PRR5: variants seen among roughly 807,000 people sequenced by gnomAD.
PRR5 encodes proline rich 5.
PRR5 carries 25 observed loss-of-function variants against 30.6 expected under a neutral mutation model. That is an observed-to-expected ratio of 0.82 (90% CI 0.60 to 1.14). The LOEUF (loss-of-function observed/expected upper bound fraction) is 1.14, where lower values mean the gene tolerates loss of function less well. PRR5 is among the 50% of genes most tolerant of loss of function. PRR5 has a pLI of 0.00. For synonymous variants in PRR5, 286 were observed against 247.1 expected, an observed-to-expected ratio of 1.16 and a Z score of -1.48; for missense variants, 600 against 547.1, an observed-to-expected ratio of 1.10 and a Z score of -0.96.
chr22:44,730,742 G>A (rs1225161019), intron 4 of PRR5: 1 of 903,272 alleles, frequency 1.1e-6, no homozygotes. Flanking sequence ...CTTCGACGTG[G>A]TGCTGCTATT....
chr22:44,737,070 G>A lies in PRR5; in HGVS notation c.990G>A (p.Glu330=). 1 of 1,610,538 alleles carries A rather than the reference G, an allele frequency of 6.2e-7. No homozygotes were observed. The highest frequency in any genetic ancestry group is 8.5e-7 in the Non-Finnish European group (1 of 1,179,438). The part of the protein sequence containing the change: ...SRLYPTTQPP[E]QGLDPTRSSL... ...TGTACCCCACGACCCAGCCCCCTGA[G>A]CAGGGCTTGGATCCCACCCGCAGCT... Residue 330 remains glutamate, a synonymous_variant, in exon 8 of 8, where the codon GAG becomes GAA. Coordinates refer to ENST00000336985, the MANE Select transcript of PRR5 (RefSeq NM_181333.4).
intron 3 of PRR5, 130 bp downstream of exon 3, chr22:44,725,422 C>A: frequency 7.8e-7 from 1 of 1,281,462 alleles, no homozygotes; most frequent in Non-Finnish European, 1.1e-6. Flanking sequence ...CAAGGACCTG[C>A]CTCGTTCCTT....
In PRR5 at chr22:44,737,119, A is replaced by G. The variant is rs1415106681; in HGVS notation, c.1039A>G (p.Asn347Asp). 2 of 1,612,474 alleles carry G rather than the reference A, an allele frequency of 1.2e-6. No homozygotes were observed. The highest frequency in any genetic ancestry group is 1.7e-6 in the Non-Finnish European group (2 of 1,179,978). ...CTCCCTGCCCCGCTCCAGCCCGGAGAACCTGGTGGACCAGATCCTGGAGTC... is the reference window on the plus strand; with the variant it reads ...CTCCCTGCCCCGCTCCAGCCCGGAGGACCTGGTGGACCAGATCCTGGAGTC... The part of the protein sequence containing the change: ...RSSLPRSSPE[N>D]LVDQILESVD... Residue 347 changes from asparagine to aspartate, a missense_variant, in exon 8 of 8, where the codon AAC (asparagine) becomes GAC (aspartate). Coordinates refer to ENST00000336985, the MANE Select transcript of PRR5 (RefSeq NM_181333.4).
At chr22:44,728,047 G>A (rs1329917357) in intron 4 of PRR5, among the ~76,000 whole-genome samples, 1 of 152,232 alleles carries the variant, frequency 6.6e-6, no homozygotes, top group Admixed American at 6.5e-5. Flanking sequence ...AGGGGAGCCG[G>A]GGCTCTCGGA....
At position 44,718,192 on chromosome 22, in the gene PRR5, C is replaced by CTTTTTTTTTTTTTT. The variant is rs34868054; in HGVS notation, c.215+3528_215+3541dup. On this transcript the variant is annotated intron_variant, in intron 2 of 7. Coordinates refer to ENST00000336985, the MANE Select transcript of PRR5 (RefSeq NM_181333.4). The stretch of plus-strand genomic sequence containing the variant: ...TGTGTGGATGCACGTTTTCATCTCT[C>CTTTTTTTTTTTTTT]TTTTTTTTTTTTTTTTTTTTGAGAC... Among the ~76,000 whole-genome samples, 20 of 94,576 alleles carry CTTTTTTTTTTTTTT rather than the reference C, an allele frequency of 2.1e-4. 3 individuals are homozygous for CTTTTTTTTTTTTTT. The highest frequency in any genetic ancestry group is 1.4e-3 in the South Asian group (3 of 2,216). 62.0% of individuals were successfully genotyped at this position (94,576 alleles called of 152,430 possible). A position where few individuals can be genotyped will look rare whatever the true frequency, so the allele number is the denominator to read the frequency against.
At chr22:44,730,235 C>T (rs1921696272) in intron 4 of PRR5, 2 of 985,140 alleles carry the variant, frequency 2.0e-6, no homozygotes, top group Non-Finnish European at 2.4e-6. Flanking sequence ...CCATGGAAAC[C>T]TCAAAGCAGT....
chr22:44,697,702 G>C (rs182567198), upstream of PRR5, among the ~76,000 whole-genome samples: 4 of 152,208 alleles, frequency 2.6e-5, no homozygotes, highest in South Asian at 2.1e-4. Context: ...CGAGATGGAG[G>C]CTGTCTCTCT....
chr22:44,718,296 G>A (rs544754357), intron 2 of PRR5, among the ~76,000 whole-genome samples: 34 of 147,118 alleles, frequency 2.3e-4, no homozygotes, highest in Non-Finnish European at 4.5e-4. Flanking sequence ...CCGGGTTCAA[G>A]CGATTCTTGT....
At position 44,732,396 on chromosome 22, in the gene PRR5, G is replaced by A. The variant is rs1435189133; in HGVS notation, c.555+5G>A. ...CAGATGCTGCTGGTGCTGCAGGTGG[G>A]CACAGTGGGCAGAGGGTCGGGCATG... On this transcript the variant is annotated splice_donor_5th_base_variant and intron_variant, in intron 6 of 7. Transcript: ENST00000336985. 1.2e-6 allele frequency: 2 copies of A among 1,604,430 alleles called. No individual in the cohort carries two copies. The highest frequency in any genetic ancestry group is 1.7e-6 in the Non-Finnish European group (2 of 1,176,608).
intron 2 of PRR5, among the ~76,000 whole-genome samples, chr22:44,715,154 G>A (rs1475130138): frequency 6.6e-6 from 1 of 152,168 alleles, no homozygotes; most frequent in Non-Finnish European, 1.5e-5. Context: ...GAAGCAGCAG[G>A]CTGGACACAC....
At chr22:44,714,024 C>CG (rs1487640819) in intron 1 of PRR5, among the ~76,000 whole-genome samples, 1 of 151,890 alleles carries the variant, frequency 6.6e-6, no homozygotes, top group Non-Finnish European at 1.5e-5. Context: ...AGGATGATCT[C>CG]GATCTCCTGA....
At chr22:44,720,947 A>G (rs984942593) in intron 2 of PRR5, among the ~76,000 whole-genome samples, 6 of 152,292 alleles carry the variant, frequency 3.9e-5, no homozygotes, top group East Asian at 3.9e-4. Context: ...ATTTCCAGCC[A>G]TTGTGAGCCA....
At chr22:44,730,329 A>G (rs1921717663) in intron 4 of PRR5, 9 of 985,270 alleles carry the variant, frequency 9.1e-6, no homozygotes, top group Middle Eastern at 5.2e-4. Flanking sequence ...CTCTCTCGCC[A>G]GTTGTTCGTC....
At chr22:44,720,876 C>T (rs905742522) in intron 2 of PRR5, among the ~76,000 whole-genome samples, 4 of 152,106 alleles carry the variant, frequency 2.6e-5, no homozygotes, top group South Asian at 2.1e-4. Flanking sequence ...CCAGGGGAGC[C>T]GGAGAGGTGG....
In PRR5 at chr22:44,691,246, GATTCT is replaced by G. The variant is rs1925211519; in HGVS notation, c.-10-11245_-10-11241del. On this transcript the variant is annotated intron_variant, in intron 1 of 8. Transcript: ENST00000006251. This position sits in a 1 kb window ranked among gnomAD's most constrained non-coding sequence, Gnocchi z 4.4. ...AGAGAAAACCGGGGTCTGGAATGGG[GATTCT>G]GAGGTTGGTCCTGGCCCTGCCCCTC... 6.6e-6 allele frequency among the ~76,000 whole-genome samples: 1 copy of G among 152,172 alleles called. No homozygotes were observed. Among genetic ancestry groups the G allele is most frequent in the Non-Finnish European group, 1.5e-5 (1 of 68,034 alleles).
intron 5 of PRR5, 129 bp from the exon 6 acceptor site, chr22:44,732,122 G>T: frequency 6.9e-7 from 1 of 1,445,300 alleles, no homozygotes; most frequent in Non-Finnish European, 9.4e-7. Context: ...GGGGTCATCT[G>T]AGGAGAACGG....
At chr22:44,676,436 G>GAAGAA (rs140568938), upstream of PRR5, among the ~76,000 whole-genome samples, 7,026 of 143,604 alleles carry the variant, frequency 0.049, 349 homozygotes, top group African/African-American at 0.13. Context: ...AAAGAGAAGA[G>GAAGAA]AAGAAAAGAA....
chr22:44,713,853 G>T (rs1433179843), intron 1 of PRR5, among the ~76,000 whole-genome samples: 1 of 152,232 alleles, frequency 6.6e-6, no homozygotes, highest in Non-Finnish European at 1.5e-5. Flanking sequence ...GCCCAGGCTG[G>T]AGTGCAGTGG....
chr22:44,729,192 G>A lies in PRR5; in HGVS notation c.323-2538G>A, dbSNP rs1010190508. On this transcript the variant is annotated intron_variant, in intron 4 of 7. Transcript: ENST00000336985. ...ACGCTTGCCTCCATGCCTGTGCCTCGGCCGTCCCCGCGCCAGACACCCTTG... is the reference window on the plus strand; with the variant it reads ...ACGCTTGCCTCCATGCCTGTGCCTCAGCCGTCCCCGCGCCAGACACCCTTG... 1.7e-5 allele frequency: 11 copies of A among 663,920 alleles called. No homozygotes were observed. In the Admixed American group the frequency reaches 1.9e-4, roughly 11 times the overall value. 41.1% of individuals were successfully genotyped at this position (663,920 alleles called of 1,614,324 possible).
Sources: allele counts gnomAD v4.1 joint callset (sites outside exome capture counted in the v4.1 genomes callset), GRCh38; gene constraint gnomAD v4.1.1; non-coding constraint Gnocchi (gnomAD v3.1); transcripts MANE v1.5; gene names NCBI Gene and HGNC (gene_info 2026-07-23, HGNC 2026-07-21).